PRKAR2B: variants seen among roughly 807,000 people sequenced by gnomAD.
The protein encoded by PRKAR2B is cAMP-dependent protein kinase type II-beta regulatory subunit.
A neutral mutation model predicts 49.9 loss-of-function variants in PRKAR2B; 14 were observed. The ratio of observed to expected loss-of-function variants is 0.28; its 90% CI spans 0.19 to 0.44. The LOEUF is 0.44. PRKAR2B is among the 20% of genes least tolerant of loss of function. The pLI is 1.00. For synonymous variants in PRKAR2B, 196 were observed against 197.7 expected (o/e 0.99, Z 0.07); for missense variants, 393 against 537.9 (o/e 0.73, Z 2.67).
intron 1 of PRKAR2B, among the ~76,000 whole-genome samples, chr7:107,055,068 T>C (rs1025700445): frequency 1.3e-4 from 19 of 151,842 alleles, no homozygotes; most frequent in Admixed American, 1.2e-3. Flanking sequence ...CGGTGTTTGG[T>C]TTTTTGTCCT....
intron 2 of PRKAR2B, among the ~76,000 whole-genome samples, chr7:107,117,457 C>T (rs1351175090): frequency 1.3e-5 from 2 of 152,020 alleles, no homozygotes; most frequent in African/African-American, 2.4e-5. Flanking sequence ...GCCTCTAAAC[C>T]ACGCATTCTG....
chr7:107,150,853 G>C (rs1249691675), intron 6 of PRKAR2B, 69 bp from the exon 7 acceptor site: 1 of 724,030 alleles, frequency 1.4e-6, no homozygotes, highest in African/African-American at 1.9e-5. Context: ...TTTCTTGTAG[G>C]GAATAAAATA....
chr7:107,094,324 G>A (rs939474217), intron 2 of PRKAR2B, among the ~76,000 whole-genome samples: 6 of 152,176 alleles, frequency 3.9e-5, no homozygotes, highest in African/African-American at 1.2e-4. Flanking sequence ...AGAAGTGTCT[G>A]TTCATATCCT....
intron 1 of PRKAR2B, among the ~76,000 whole-genome samples, chr7:107,052,742 T>C (rs1793831775): frequency 6.6e-6 from 1 of 152,268 alleles, no homozygotes; most frequent in African/African-American, 2.4e-5. Context: ...TAGCCCTGCA[T>C]TGATCTCTCC....
intron 2 of PRKAR2B, among the ~76,000 whole-genome samples, chr7:107,106,635 C>T (rs1795078900): frequency 6.6e-6 from 1 of 152,144 alleles, no homozygotes; most frequent in African/African-American, 2.4e-5. Flanking sequence ...ATTTGGGGGG[C>T]TGATGTGAGG....
intron 2 of PRKAR2B, among the ~76,000 whole-genome samples, chr7:107,101,968 G>A (rs1387879357): frequency 7.4e-6 from 1 of 134,724 alleles, no homozygotes; most frequent in African/African-American, 2.9e-5. Context: ...CTGCTGTATT[G>A]TGCTTCTAAA....
At chr7:107,114,601 T>C (rs1795237625) in intron 2 of PRKAR2B, among the ~76,000 whole-genome samples, 1 of 151,270 alleles carries the variant, frequency 6.6e-6, no homozygotes, top group Non-Finnish European at 1.5e-5. Context: ...AACTCCTGAC[T>C]TTAGGTGATA....
chr7:107,123,085 G>A (rs369680121), intron 3 of PRKAR2B, among the ~76,000 whole-genome samples: 4 of 152,262 alleles, frequency 2.6e-5, no homozygotes, highest in South Asian at 4.1e-4. Context: ...AAACAATACC[G>A]GGTGGCAATG....
chr7:107,100,678 A>AT (rs1357736354), intron 2 of PRKAR2B, among the ~76,000 whole-genome samples: 1 of 151,946 alleles, frequency 6.6e-6, no homozygotes, highest in East Asian at 1.9e-4. Context: ...ATTTTTATTC[A>AT]TTCTTTTTTT....
rs569684524 is a variant in PRKAR2B at position 107,130,375 on chromosome 7, G to A, written c.480+2080G>A. On this transcript the variant is annotated intron_variant, in intron 4 of 10. Transcript: ENST00000265717. ...AAGTTAGCCGGGCGTGGTGGCGGGC[G>A]CCTGTAGTCCCAGCTACTAGGGAGG... 8.6e-5 allele frequency among the ~76,000 whole-genome samples: 13 copies of A among 151,952 alleles called. 1 individual carries two copies. The highest frequency in any genetic ancestry group is 2.4e-4 in the African/African-American group (10 of 41,466).
chr7:107,061,117 A>G (rs945358676), intron 1 of PRKAR2B, among the ~76,000 whole-genome samples: 2 of 151,650 alleles, frequency 1.3e-5, no homozygotes, highest in Non-Finnish European at 2.9e-5. Flanking sequence ...CCTTTCCTCA[A>G]TGCCTCTTTC....
intron 2 of PRKAR2B, among the ~76,000 whole-genome samples, chr7:107,096,050 A>G (rs532665027): frequency 1.4e-4 from 22 of 151,918 alleles, no homozygotes; most frequent in African/African-American, 2.7e-4. Flanking sequence ...CTCTTGTTCT[A>G]TTGTTTGGAA....
chr7:107,077,863 T>A (rs1794429531), intron 2 of PRKAR2B: 1 of 152,172 alleles, frequency 6.6e-6, no homozygotes, highest in Admixed American at 6.5e-5. Context: ...AATACCTAAC[T>A]CACAAGATGA....
intron 5 of PRKAR2B, among the ~76,000 whole-genome samples, chr7:107,145,677 C>G (rs1432027459): frequency 1.3e-5 from 2 of 151,138 alleles, no homozygotes; most frequent in African/African-American, 4.9e-5. Flanking sequence ...CCTTGGACTT[C>G]CAAATTGCTG....
chr7:107,070,268 C>G lies in PRKAR2B; in HGVS notation c.308-13C>G, dbSNP rs747836733. The G allele has an allele frequency of 3.4e-5, 55 of 1,601,440 alleles. No individual in the cohort carries two copies. The highest frequency in any genetic ancestry group is 1.1e-5 in the Non-Finnish European group (13 of 1,171,412). On this transcript the variant is annotated splice_polypyrimidine_tract_variant and intron_variant, in intron 1 of 10. Transcript: ENST00000265717. ...CTTTTAATCTAATCATATTATTCTGCTTTTTCTTTTAGCTCCAGTAATAAA... is the reference window on the plus strand; with the variant it reads ...CTTTTAATCTAATCATATTATTCTGGTTTTTCTTTTAGCTCCAGTAATAAA...
At chr7:107,155,196 A>G (rs935864117) in intron 8 of PRKAR2B, among the ~76,000 whole-genome samples, 1 of 152,028 alleles carries the variant, frequency 6.6e-6, no homozygotes, top group Non-Finnish European at 1.5e-5. Context: ...ATTTGGGTGA[A>G]ATTCTTACCC....
chr7:107,116,892 T>A (rs1162942119), intron 2 of PRKAR2B, among the ~76,000 whole-genome samples: 1 of 149,716 alleles, frequency 6.7e-6, no homozygotes, highest in Non-Finnish European at 1.5e-5. Context: ...CACATATATA[T>A]ATATGTGTGT....
chr7:107,104,192 C>T (rs539963060), intron 2 of PRKAR2B, among the ~76,000 whole-genome samples: 10 of 152,076 alleles, frequency 6.6e-5, no homozygotes, highest in African/African-American at 1.9e-4. Context: ...CCACCATGCC[C>T]GGCAAATTTT....
chr7:107,104,072 T>G (rs543071551), intron 2 of PRKAR2B, among the ~76,000 whole-genome samples: 1 of 152,262 alleles, frequency 6.6e-6, no homozygotes, highest in South Asian at 2.1e-4. Context: ...GCACTTTTGG[T>G]CCAGGCTGGA....
Sources: gnomAD v4.1 joint callset for allele counts (sites outside exome capture counted in the v4.1 genomes callset) on GRCh38, gnomAD v4.1.1 for gene constraint, MANE v1.5 for transcripts, NCBI Gene and HGNC (gene_info 2026-07-23, HGNC 2026-07-21) for gene names.